TMTC2: variants seen among roughly 807,000 people sequenced by gnomAD.
TMTC2 encodes the protein protein O-mannosyl-transferase TMTC2.
A neutral mutation model predicts 82.4 loss-of-function variants in TMTC2; 43 were observed. That is an observed-to-expected ratio of 0.52 (90% CI 0.41 to 0.67). The LOEUF (loss-of-function observed/expected upper bound fraction) is 0.67. Ranked by LOEUF, TMTC2 falls within the 30% of genes least tolerant of loss-of-function variation. TMTC2 has a pLI of 0.00. For synonymous variants in TMTC2, 408 were observed against 381.9 expected (o/e 1.07, Z -0.80); for missense variants, 919 against 1,012.4 (o/e 0.91, Z 1.25).
intron 1 of TMTC2, among the ~76,000 whole-genome samples, chr12:82,754,364 T>G (rs1012651161): frequency 6.6e-6 from 1 of 152,202 alleles, no homozygotes; most frequent in Non-Finnish European, 1.5e-5. Context: ...GTATAATAGC[T>G]ATGTTCTGCT....
chr12:83,004,515 C>T (rs151236475), intron 8 of TMTC2, among the ~76,000 whole-genome samples: 8 of 152,012 alleles, frequency 5.3e-5, no homozygotes, highest in Admixed American at 5.2e-4. Context: ...GGCTGGTGTT[C>T]CTTTATCTGT....
chr12:82,815,349 C>A (rs937115576), intron 1 of TMTC2, among the ~76,000 whole-genome samples: 4 of 151,016 alleles, frequency 2.6e-5, no homozygotes, highest in Admixed American at 2.6e-4. Context: ...CTTGCTCTGT[C>A]CCCCAGGCTG....
chr12:82,933,125 A>T (rs931331777), intron 4 of TMTC2, among the ~76,000 whole-genome samples: 1 of 152,192 alleles, frequency 6.6e-6, no homozygotes, highest in African/African-American at 2.4e-5. Context: ...TTTTACTAAT[A>T]TGATGGGTCT....
intron 3 of TMTC2, among the ~76,000 whole-genome samples, chr12:82,911,733 C>T (rs1256562412): frequency 6.6e-6 from 1 of 152,048 alleles, no homozygotes; most frequent in Non-Finnish European, 1.5e-5. Context: ...TCCCCAGTAG[C>T]TGGAATTACA....
At chr12:83,014,962 A>C (rs1302866424) in intron 8 of TMTC2, among the ~76,000 whole-genome samples, 2 of 152,156 alleles carry the variant, frequency 1.3e-5, no homozygotes, top group Admixed American at 6.6e-5. Context: ...AAAGAATTGA[A>C]TTTCTGGAGA....
At chr12:83,003,128 G>C (rs1460999216) in intron 8 of TMTC2, among the ~76,000 whole-genome samples, 1 of 152,104 alleles carries the variant, frequency 6.6e-6, no homozygotes, top group African/African-American at 2.4e-5. Flanking sequence ...ATTTAGGATA[G>C]TTAAGTCTTT....
intron 10 of TMTC2, among the ~76,000 whole-genome samples, chr12:83,052,371 A>T (rs1882384001): frequency 6.6e-6 from 1 of 152,130 alleles, no homozygotes; most frequent in African/African-American, 2.4e-5. Context: ...AACTCAAGAA[A>T]GCTGACACCT....
At chr12:82,696,991 T>TATATATATA (rs1555177402) in intron 1 of TMTC2, among the ~76,000 whole-genome samples, 1 of 150,970 alleles carries the variant, frequency 6.6e-6, no homozygotes, top group Non-Finnish European at 1.5e-5. Flanking sequence ...TATGTTTCTA[T>TATATATATA]TAATAGATCA....
chr12:83,048,250 A>T (rs888528274), intron 9 of TMTC2, among the ~76,000 whole-genome samples: 1 of 152,194 alleles, frequency 6.6e-6, no homozygotes, highest in African/African-American at 2.4e-5. Context: ...AGAATATTTC[A>T]TTATGCCACA....
At chr12:83,004,515 C>G (rs151236475) in intron 8 of TMTC2, among the ~76,000 whole-genome samples, 1 of 151,894 alleles carries the variant, frequency 6.6e-6, no homozygotes, top group Non-Finnish European at 1.5e-5. Flanking sequence ...GGCTGGTGTT[C>G]CTTTATCTGT....
rs573504018 is a variant in TMTC2 at position 82,817,557 on chromosome 12, T to G, written c.84-39453T>G. Among the ~76,000 whole-genome samples the G allele has an allele frequency of 2.0e-5, 3 of 151,926 alleles. No individual in the cohort carries two copies. The East Asian group carries it at 5.8e-4, about 29-fold the overall frequency. ...TTGGCAAAGGAATAAAAGGATCACT[T>G]TGTGTGTGTGTGTGTCAGTGTTTAC... is the stretch of plus-strand genomic sequence containing the variant. On this transcript the variant is annotated intron_variant, in intron 1 of 11. Coordinates refer to ENST00000321196, the MANE Select transcript of TMTC2 (RefSeq NM_152588.3).
chr12:82,702,643 G>A (rs1873138772), intron 1 of TMTC2, among the ~76,000 whole-genome samples: 1 of 152,132 alleles, frequency 6.6e-6, no homozygotes, highest in African/African-American at 2.4e-5. Context: ...CTAAACAGAA[G>A]AAGCCAGGTG....
At chr12:83,119,406 C>A (rs184267601) in intron 11 of TMTC2, among the ~76,000 whole-genome samples, 5 of 152,264 alleles carry the variant, frequency 3.3e-5, no homozygotes, top group Admixed American at 3.3e-4. Context: ...TTAACTCAAT[C>A]ATCATTCAGG....
intron 2 of TMTC2, among the ~76,000 whole-genome samples, chr12:82,881,426 G>GAGGGA (rs1658977349): frequency 1.3e-5 from 2 of 152,132 alleles, no homozygotes. Flanking sequence ...CACATTAAAA[G>GAGGGA]AGGGAAAGAA....
intron 4 of TMTC2, among the ~76,000 whole-genome samples, chr12:82,951,727 C>A (rs1877357046): frequency 6.6e-6 from 1 of 152,104 alleles, no homozygotes; most frequent in Non-Finnish European, 1.5e-5. Context: ...AATATGTATT[C>A]AATTATGCCT....
At chr12:82,697,334 C>CAAAAAAAAAAAAAAAAAAAAAAAAAA (rs367770708) in intron 1 of TMTC2, among the ~76,000 whole-genome samples, 1 of 61,700 alleles carries the variant, frequency 1.6e-5, no homozygotes, top group African/African-American at 6.7e-5. Flanking sequence ...CAGCCTGTCT[C>CAAAAAAAAAAAAAAAAAAAAAAAAAA]AAAAAAAAAA....
intron 10 of TMTC2, among the ~76,000 whole-genome samples, chr12:83,055,495 C>T (rs1303354369): frequency 6.6e-6 from 1 of 151,976 alleles, no homozygotes; most frequent in African/African-American, 2.4e-5. Context: ...AATGCTAGAA[C>T]ACAGTAGAGT....
At chr12:82,832,840 T>A (rs950637130) in intron 1 of TMTC2, among the ~76,000 whole-genome samples, 2 of 152,194 alleles carry the variant, frequency 1.3e-5, no homozygotes, top group Non-Finnish European at 2.9e-5. Context: ...CAAAGGGAAA[T>A]GTAAAATAGA....
intron 3 of TMTC2, among the ~76,000 whole-genome samples, chr12:82,921,087 G>GT (rs200211819): frequency 1.1e-3 from 162 of 151,220 alleles, no homozygotes; most frequent in African/African-American, 3.7e-3. Flanking sequence ...ACTACTGAGG[G>GT]TTTTTTTTTC....
Sources: gnomAD v4.1 joint callset for allele counts (sites outside exome capture counted in the v4.1 genomes callset) on GRCh38, gnomAD v4.1.1 for gene constraint, MANE v1.5 for transcripts, NCBI Gene and HGNC (gene_info 2026-07-23, HGNC 2026-07-21) for gene names.